The following KCNN2 variants were observed in gnomAD, a reference collection of about 807,000 sequenced individuals.
The protein encoded by KCNN2 is potassium calcium-activated channel subfamily N member 2.
Under a neutral mutation model 55.5 loss-of-function variants are expected in KCNN2, and 24 were observed. The ratio of observed to expected loss-of-function variants is 0.43; its 90% CI spans 0.31 to 0.61. The LOEUF (loss-of-function observed/expected upper bound fraction) is 0.61, where lower values mean the gene tolerates loss of function less well. KCNN2 is among the 20% of genes least tolerant of loss of function. The probability of loss-of-function intolerance (pLI) is 0.08; values close to 1 mark genes in which losing one functional copy is unlikely to be tolerated. For synonymous variants in KCNN2, 431 were observed against 336.1 expected (o/e 1.28, Z -3.09); for missense variants, 754 against 853.6 (o/e 0.88, Z 1.45).
At chr5:114,446,516 G>A (rs141788937) in intron 3 of KCNN2, among the ~76,000 whole-genome samples, 17 of 151,992 alleles carry the variant, frequency 1.1e-4, no homozygotes, top group Admixed American at 3.9e-4. Context: ...GGAGTGCAGC[G>A]GTGTGATCTC....
chr5:114,463,248 A>C (rs1761288966), intron 4 of KCNN2, 58 bp downstream of exon 4: 2 of 1,401,562 alleles, frequency 1.4e-6, no homozygotes. Context: ...CACTTAAACC[A>C]CTCAGTCCAC....
chr5:114,122,250 A>G (rs1458267740), intron 1 of KCNN2, among the ~76,000 whole-genome samples: 1 of 152,162 alleles, frequency 6.6e-6, no homozygotes, highest in Admixed American at 6.5e-5. Context: ...GAGCCATGGC[A>G]TTGTGAGTAA....
rs116658824 is a variant in KCNN2, at chr5:114,173,236, C to T, written c.-270-48244C>T. ...GGCACCTTTGTAAAAAATGAGTTCA[C>T]GGTAGGTGTATGAATTTGTTTCAGG... On this transcript the variant is annotated intron_variant, in intron 1 of 10. Transcript: ENST00000512097. Among the ~76,000 whole-genome samples, 1,269 of 151,934 alleles carry T rather than the reference C, an allele frequency of 8.4e-3. 12 individuals carry two copies. Among genetic ancestry groups the T allele is most frequent in the African/African-American group, 0.028 (1,172 of 41,500 alleles).
intron 2 of KCNN2, among the ~76,000 whole-genome samples, chr5:114,343,298 T>C (rs1434886822): frequency 6.6e-6 from 1 of 152,202 alleles, no homozygotes; most frequent in African/African-American, 2.4e-5. Context: ...AAAGATGGGA[T>C]GCTTGGTGAG....
At chr5:114,165,312 C>G (rs1022312157) in intron 1 of KCNN2, among the ~76,000 whole-genome samples, 1 of 152,118 alleles carries the variant, frequency 6.6e-6, no homozygotes, top group African/African-American at 2.4e-5. Flanking sequence ...CTACTTAACA[C>G]GAAGACGAGG....
intron 3 of KCNN2, among the ~76,000 whole-genome samples, chr5:114,441,557 C>G (rs948017058): frequency 6.6e-6 from 1 of 152,192 alleles, no homozygotes; most frequent in African/African-American, 2.4e-5. Context: ...TGTTAGTCTT[C>G]CCTCCTCCCT....
chr5:114,472,201 T>C (rs1432176366), intron 4 of KCNN2, among the ~76,000 whole-genome samples: 1 of 151,794 alleles, frequency 6.6e-6, no homozygotes, highest in African/African-American at 2.4e-5. Context: ...TGACCTTGCC[T>C]GGACCCTCCA....
chr5:114,289,414 C>G (rs1164741765), intron 2 of KCNN2, among the ~76,000 whole-genome samples: 1 of 147,678 alleles, frequency 6.8e-6, no homozygotes, highest in Non-Finnish European at 1.5e-5. Context: ...CACTTTGTGG[C>G]CCAAGCATGG....
intron 3 of KCNN2, among the ~76,000 whole-genome samples, chr5:114,459,198 C>A (rs1320203521): frequency 6.6e-6 from 1 of 152,240 alleles, no homozygotes; most frequent in Admixed American, 6.5e-5. Flanking sequence ...GTCTCTGAAG[C>A]ATGCAGTTCA....
At chr5:114,060,942 G>C (rs889552610) in intron 1 of KCNN2, among the ~76,000 whole-genome samples, 16 of 152,354 alleles carry the variant, frequency 1.1e-4, no homozygotes, top group African/African-American at 3.8e-4. Flanking sequence ...CTCTGGCAGT[G>C]GAGTAGTAGC....
In KCNN2 at chr5:114,256,549, G is replaced by C. The variant is rs1317298450; in HGVS notation, c.-185+34984G>C. On this transcript the variant is annotated intron_variant, in intron 2 of 10. Coordinates refer to the KCNN2 transcript ENST00000512097. ...TCCTTGCCAACATCTTTTGTTTTTT[G>C]ACTTTGTAATCATAACCTTTCTGAC... is the stretch of plus-strand genomic sequence containing the variant. Among the ~76,000 whole-genome samples the C allele has an allele frequency of 3.3e-5, 5 of 151,974 alleles. No individual in the cohort carries two copies. The East Asian group carries it at 7.7e-4, about 24-fold the overall frequency.
chr5:114,466,970 AT>A (rs1454244062), intron 4 of KCNN2, among the ~76,000 whole-genome samples: 1 of 152,138 alleles, frequency 6.6e-6, no homozygotes, highest in Non-Finnish European at 1.5e-5. Flanking sequence ...AAATTTTAAA[AT>A]TTTCTTCAAG....
intron 1 of KCNN2, among the ~76,000 whole-genome samples, chr5:114,077,947 G>T (rs1156296850): frequency 6.6e-6 from 1 of 152,110 alleles, no homozygotes; most frequent in Non-Finnish European, 1.5e-5. Flanking sequence ...TGTCTTAGGT[G>T]TATTTTTGAA....
chr5:114,133,185 G>A (rs1044738449), intron 1 of KCNN2, among the ~76,000 whole-genome samples: 1 of 151,914 alleles, frequency 6.6e-6, no homozygotes, highest in East Asian at 1.9e-4. Flanking sequence ...ATTTATAATG[G>A]TTTCTGATTC....
intron 1 of KCNN2, among the ~76,000 whole-genome samples, chr5:114,063,282 C>A (rs1168916005): frequency 6.6e-6 from 1 of 152,200 alleles, no homozygotes; most frequent in Non-Finnish European, 1.5e-5. Context: ...TTTGACAGGG[C>A]ATCTCTGGCC....
chr5:114,098,245 T>G (rs982224089), intron 1 of KCNN2, among the ~76,000 whole-genome samples: 2 of 152,110 alleles, frequency 1.3e-5, no homozygotes, highest in Non-Finnish European at 2.9e-5. Context: ...TAATCATATC[T>G]GCAAAGTCCC....
intron 1 of KCNN2, among the ~76,000 whole-genome samples, chr5:114,076,066 T>C (rs1750679902): frequency 6.6e-6 from 1 of 152,254 alleles, no homozygotes; most frequent in South Asian, 2.1e-4. Context: ...CAGCAATAAC[T>C]AATATGCCCT....
At chr5:114,276,200 A>T (rs1196413195) in intron 2 of KCNN2, among the ~76,000 whole-genome samples, 1 of 152,006 alleles carries the variant, frequency 6.6e-6, no homozygotes, top group Admixed American at 6.6e-5. Flanking sequence ...GAGACAGTTT[A>T]TTGTGATTTC....
At chr5:114,080,054 A>G (rs1374396394) in intron 1 of KCNN2, among the ~76,000 whole-genome samples, 2 of 152,100 alleles carry the variant, frequency 1.3e-5, no homozygotes, top group Non-Finnish European at 2.9e-5. Context: ...GTGGATTCAC[A>G]TACACTTGCT....
Sources: allele counts gnomAD v4.1 joint callset (sites outside exome capture counted in the v4.1 genomes callset), GRCh38; gene constraint gnomAD v4.1.1; transcripts MANE v1.5; gene names NCBI Gene and HGNC (gene_info 2026-07-23, HGNC 2026-07-21).